Variants in SV2C observed in about 807,000 individuals in gnomAD.
SV2C encodes the protein synaptic vesicle glycoprotein 2C.
In SV2C, 49 loss-of-function variants were observed where a neutral mutation model predicts 79.7. The observed-to-expected ratio is 0.61, with a 90% CI of 0.49 to 0.78. SV2C has a LOEUF of 0.78. Among genes scored for constraint, SV2C ranks in the 30% least tolerant of loss-of-function variants. SV2C has a pLI of 0.00. For missense variants in SV2C, 833 were observed against 912.9 expected (o/e 0.91, Z 1.13); for synonymous variants, 334 against 333.2 (o/e 1.00, Z -0.03).
At chr5:75,938,637 T>C in the SV2C span, among the ~76,000 whole-genome samples, 2 of 152,164 alleles carry the variant, frequency 1.3e-5, no homozygotes, top group Non-Finnish European at 2.9e-5. Context: ...GTAATTGTCA[T>C]TGGCAGAGGT....
At chr5:76,099,820 C>T (rs890123607) in intron 1 of SV2C, among the ~76,000 whole-genome samples, 2 of 152,188 alleles carry the variant, frequency 1.3e-5, no homozygotes, top group Non-Finnish European at 2.9e-5. Context: ...CTGAATTTCT[C>T]ATCCACCATT....
intron 4 of SV2C, among the ~76,000 whole-genome samples, chr5:76,228,056 C>A (rs1258166487): frequency 2.0e-5 from 3 of 152,098 alleles, no homozygotes; most frequent in African/African-American, 4.8e-5. Context: ...CTCTATCTCT[C>A]TCTCTCTCTC....
At chr5:76,294,210 A>G (rs1580037514) in intron 8 of SV2C, among the ~76,000 whole-genome samples, 1 of 152,124 alleles carries the variant, frequency 6.6e-6, no homozygotes, top group Admixed American at 6.6e-5. Context: ...ATGTCATTTC[A>G]GATTTTCTGG....
chr5:76,277,716 C>T (rs1010843078), intron 4 of SV2C, among the ~76,000 whole-genome samples: 5 of 151,356 alleles, frequency 3.3e-5, no homozygotes, highest in Non-Finnish European at 7.4e-5. Flanking sequence ...TGAGATCACG[C>T]CACTGCACGC....
At chr5:75,996,824 G>C in the SV2C span, among the ~76,000 whole-genome samples, 14 of 144,442 alleles carry the variant, frequency 9.7e-5, no homozygotes, top group Non-Finnish European at 1.5e-4. Flanking sequence ...TGATTTTTGC[G>C]CATTGATTTT....
the SV2C span, among the ~76,000 whole-genome samples, chr5:75,928,961 T>C: frequency 2.0e-5 from 3 of 152,346 alleles, no homozygotes; most frequent in South Asian, 6.2e-4. Context: ...AGAATAATTT[T>C]GCTTCTTTCC....
chr5:76,079,620 G>C (rs1746949589), upstream of SV2C: 1 of 345,370 alleles, frequency 2.9e-6, no homozygotes, highest in Admixed American at 3.4e-5. Flanking sequence ...CAGGCAAACT[G>C]TGTCAATCTG....
the SV2C span, among the ~76,000 whole-genome samples, chr5:75,878,285 A>G: frequency 6.6e-6 from 1 of 152,244 alleles, no homozygotes; most frequent in African/African-American, 2.4e-5. Flanking sequence ...ATATCTTCCT[A>G]TTCTTCAGTG....
chr5:76,273,677 A>G (rs2358710), intron 4 of SV2C, among the ~76,000 whole-genome samples: 25,270 of 152,066 alleles, frequency 0.17, 2,360 homozygotes, highest in African/African-American at 0.24. Context: ...CAGAAATAGA[A>G]AAACTCGCAG....
At chr5:76,016,799 A>G in the SV2C span, among the ~76,000 whole-genome samples, 85 of 152,350 alleles carry the variant, frequency 5.6e-4, 1 homozygote, top group Non-Finnish European at 1.8e-4. Flanking sequence ...TGCATGAAAC[A>G]TTGTCCTTTC....
chr5:75,941,026 A>G, the SV2C span, among the ~76,000 whole-genome samples: 8 of 152,324 alleles, frequency 5.3e-5, no homozygotes, highest in Non-Finnish European at 7.3e-5. Flanking sequence ...GTTAAAGTTT[A>G]TAAGCTAAAG....
At chr5:76,026,952 CTT>C in the SV2C span, among the ~76,000 whole-genome samples, 3 of 151,658 alleles carry the variant, frequency 2.0e-5, no homozygotes, top group Non-Finnish European at 4.4e-5. Context: ...ACTTTTTAGA[CTT>C]TTCCTATTTT....
Position 76,331,522 on chromosome 5 carries a change from G to A in SV2C, c.*5975G>A, listed in dbSNP as rs1267000269. On this transcript the variant is annotated 3_prime_UTR_variant, in exon 13 of 13. Transcript: ENST00000502798. Reference sequence around the variant, plus strand: ...CTTGAAGTTGCAAAGGATGTTTGGGGTTCTAGGGCCTGCAGGGGGGCAGAG... The same window carrying A: ...CTTGAAGTTGCAAAGGATGTTTGGGATTCTAGGGCCTGCAGGGGGGCAGAG... 1 of 152,206 alleles carries A rather than the reference G, an allele frequency of 6.6e-6. No individual in the cohort carries two copies. The highest frequency in any genetic ancestry group is 1.5e-5 in the Non-Finnish European group (1 of 68,074). 9.4% of individuals were successfully genotyped at this position (152,206 alleles called of 1,614,324 possible).
At chr5:75,921,510 G>T in the SV2C span, 1 of 806,132 alleles carries the variant, frequency 1.2e-6, no homozygotes, top group Non-Finnish European at 2.2e-6. Context: ...GCAATGGCCA[G>T]GGCTGTGACA....
At chr5:76,024,985 C>T in the SV2C span, among the ~76,000 whole-genome samples, 1 of 152,140 alleles carries the variant, frequency 6.6e-6, no homozygotes, top group South Asian at 2.1e-4. Flanking sequence ...GAGATAGACA[C>T]GGATCCTCAC....
intron 2 of SV2C, among the ~76,000 whole-genome samples, chr5:76,149,308 A>G (rs1008796116): frequency 6.6e-6 from 1 of 152,244 alleles, no homozygotes; most frequent in African/African-American, 2.4e-5. Context: ...CAGAAACACC[A>G]TGACCTAGAC....
chr5:76,141,453 A>G (rs1301117948), intron 2 of SV2C, among the ~76,000 whole-genome samples: 1 of 151,998 alleles, frequency 6.6e-6, no homozygotes, highest in African/African-American at 2.4e-5. Context: ...CCAGTCTGAG[A>G]CTCTACCTAA....
chr5:76,128,870 G>T (rs938733395), intron 1 of SV2C, among the ~76,000 whole-genome samples: 1 of 152,154 alleles, frequency 6.6e-6, no homozygotes, highest in Non-Finnish European at 1.5e-5. Context: ...GCCACACCCG[G>T]TGTGTAAGCC....
At chr5:75,933,968 A>G in the SV2C span, among the ~76,000 whole-genome samples, 1 of 152,332 alleles carries the variant, frequency 6.6e-6, no homozygotes, top group Non-Finnish European at 1.5e-5. Flanking sequence ...ACCCAATGAA[A>G]TTTAGACACT....
Sources: allele counts gnomAD v4.1 joint callset (sites outside exome capture counted in the v4.1 genomes callset), GRCh38; gene constraint gnomAD v4.1.1; transcripts MANE v1.5; gene names NCBI Gene and HGNC (gene_info 2026-07-23, HGNC 2026-07-21).